PHF20: variants seen among roughly 807,000 people sequenced by gnomAD.
PHF20 encodes PHD finger protein 20.
PHF20 carries 23 observed loss-of-function variants against 113.5 expected under a neutral mutation model. That is an observed-to-expected ratio of 0.20 (90% CI 0.15 to 0.29). PHF20 has a LOEUF of 0.29. PHF20 is among the 10% of genes least tolerant of loss of function. The pLI is 1.00. For synonymous variants in PHF20, 434 were observed against 457.3 expected, an observed-to-expected ratio of 0.95 and a Z score of 0.65; for missense variants, 943 against 1,219.6, an observed-to-expected ratio of 0.77 and a Z score of 3.38.
chr20:35,805,354 T>TTTATTATTATTATTA (rs3056929), intron 2 of PHF20, among the ~76,000 whole-genome samples: 30 of 125,192 alleles, frequency 2.4e-4, no homozygotes, highest in South Asian at 7.6e-4. Context: ...CGCCTGATTT[T>TTTATTATTATTATTA]TTATTATTAT....
chr20:35,789,861 C>G lies in PHF20; in HGVS notation c.-32-11630C>G, dbSNP rs1176617809. 6.6e-5 allele frequency among the ~76,000 whole-genome samples: 7 copies of G among 106,812 alleles called. No homozygotes were observed. The East Asian group carries it at 2.0e-3, about 30-fold the overall frequency. 70.1% of individuals were successfully genotyped at this position (106,812 alleles called of 152,430 possible). A position where few individuals can be genotyped will look rare whatever the true frequency, so the allele number is the denominator to read the frequency against. On this transcript the variant is annotated intron_variant, in intron 1 of 17. Coordinates refer to ENST00000374012, the MANE Select transcript of PHF20 (RefSeq NM_016436.5). ...GCGCCCAGCCCCCGCCCCCCCCCCC[C>G]CCTTTTTTTTTATACACAGTTTTAC...
At chr20:35,829,296 A>G (rs2042316809) in intron 2 of PHF20, among the ~76,000 whole-genome samples, 1 of 152,122 alleles carries the variant, frequency 6.6e-6, no homozygotes, top group African/African-American at 2.4e-5. Context: ...CGTTAAATAC[A>G]TTCACACTGT....
At position 35,801,509 on chromosome 20, in the gene PHF20, G is replaced by A. The variant is rs748461680; in HGVS notation, c.-14G>A. The A allele has an allele frequency of 2.4e-5, 39 of 1,603,266 alleles. No homozygotes were observed. Among genetic ancestry groups the A allele is most frequent in the Middle Eastern group, 3.3e-4 (2 of 6,052 alleles). On this transcript the variant is annotated 5_prime_UTR_variant, in exon 2 of 18. Coordinates refer to ENST00000374012, the MANE Select transcript of PHF20 (RefSeq NM_016436.5). ...TTTTCAGGAGAATAAAGGCAGCCCC[G>A]TTGATGACTGAAAATGACAAAGCAT...
At position 35,914,153 on chromosome 20, in the gene PHF20, A is replaced by C. The variant is rs548981418; in HGVS notation, c.1781A>C (p.His594Pro). 2.5e-6 allele frequency: 4 copies of C among 1,614,170 alleles called. No homozygotes were observed. The highest frequency in any genetic ancestry group is 3.3e-5 in the Admixed American group (2 of 60,018). The change falls in exon 12 of 18, where the codon CAT becomes CCT. Residue 594 changes from histidine to proline, a missense_variant. Physicochemically the swap from His to Pro is moderately conservative, Grantham distance 77. Transcript: ENST00000374012. Reference protein sequence around the residue: ...KPGVHMSPQLHGPESGHHKGK... With the variant: ...KPGVHMSPQLPGPESGHHKGK... ...GGGGTCCATATGAGCCCGCAGCTTC[A>C]TGGCCCAGAATCTGGACACCACAAA... is the stretch of plus-strand genomic sequence containing the variant.
rs543916053 is a variant in PHF20 at position 35,949,166 on chromosome 20, A to G, written c.*1539A>G. ...TCCATCAGAGAGAATACACGTGGCTATAACATCTATAACAAAACGACGATT... is the reference window on the plus strand; with the variant it reads ...TCCATCAGAGAGAATACACGTGGCTGTAACATCTATAACAAAACGACGATT... On this transcript the variant is annotated 3_prime_UTR_variant, in exon 18 of 18. Coordinates refer to ENST00000374012, the MANE Select transcript of PHF20 (RefSeq NM_016436.5). 2.0e-5 allele frequency: 3 copies of G among 152,726 alleles called. No homozygotes were observed. Among genetic ancestry groups the G allele is most frequent in the Admixed American group, 1.3e-4 (2 of 15,310 alleles). The allele number at this position is 152,726 out of a possible 1,614,324, so 9.5% of individuals were successfully genotyped here.
At chr20:35,874,112 C>T (rs2146996479) in intron 9 of PHF20, among the ~76,000 whole-genome samples, 1 of 152,324 alleles carries the variant, frequency 6.6e-6, no homozygotes, top group Middle Eastern at 3.4e-3. Context: ...GCTGGGATTA[C>T]AGGCATGTGC....
At chr20:35,775,880 A>T (rs2041166117) in intron 1 of PHF20, among the ~76,000 whole-genome samples, 1 of 151,748 alleles carries the variant, frequency 6.6e-6, no homozygotes, top group Admixed American at 6.6e-5. Context: ...TGGTGTGATC[A>T]CGGCTTACTG....
chr20:35,915,690 C>T (rs943999156), intron 12 of PHF20, among the ~76,000 whole-genome samples: 1 of 152,072 alleles, frequency 6.6e-6, no homozygotes, highest in Admixed American at 6.6e-5. Flanking sequence ...TGGACTGTTA[C>T]ATTTCTTAAA....
chr20:35,871,243 C>T, intron 8 of PHF20, 109 bp downstream of exon 8: 1 of 884,400 alleles, frequency 1.1e-6, no homozygotes, highest in Non-Finnish European at 1.8e-6. Flanking sequence ...GTCTTGAAAT[C>T]AAACTATTGA....
At chr20:35,836,583 G>T (rs535877074) in intron 2 of PHF20, among the ~76,000 whole-genome samples, 3 of 151,350 alleles carry the variant, frequency 2.0e-5, no homozygotes, top group Non-Finnish European at 4.4e-5. Flanking sequence ...AGTGGCTCAC[G>T]CCTGTAATCG....
chr20:35,791,235 G>A (rs907350532), intron 1 of PHF20, among the ~76,000 whole-genome samples: 1 of 151,930 alleles, frequency 6.6e-6, no homozygotes, highest in Non-Finnish European at 1.5e-5. Context: ...ATGAAGATTG[G>A]CAACAGTGTA....
Position 35,950,028 on chromosome 20 carries a change from G to C in PHF20, c.*2401G>C, listed in dbSNP as rs746068570. On this transcript the variant is annotated 3_prime_UTR_variant, in exon 18 of 18. Coordinates refer to ENST00000374012, the MANE Select transcript of PHF20 (RefSeq NM_016436.5). The stretch of plus-strand genomic sequence containing the variant: ...AGATTGCGCTATTGCACTCCAGCTC[G>C]GGCGACAACTGCAAGACTCCATCTC... The C allele has an allele frequency of 2.0e-5, 3 of 152,382 alleles. No homozygotes were observed. 9.4% of individuals were successfully genotyped at this position (152,382 alleles called of 1,614,324 possible).
At chr20:35,895,978 C>T (rs553512329) in intron 9 of PHF20, among the ~76,000 whole-genome samples, 36 of 152,226 alleles carry the variant, frequency 2.4e-4, no homozygotes, top group Non-Finnish European at 4.3e-4. Context: ...TGAGCCATCG[C>T]GCCTGGCCAA....
intron 2 of PHF20, among the ~76,000 whole-genome samples, chr20:35,812,164 GT>G (rs1377495980): frequency 6.6e-6 from 1 of 152,138 alleles, no homozygotes; most frequent in African/African-American, 2.4e-5. Flanking sequence ...TAACCCATTT[GT>G]TTTATATACT....
intron 4 of PHF20, among the ~76,000 whole-genome samples, chr20:35,854,453 G>GAA (rs1209355684): frequency 6.6e-6 from 1 of 152,186 alleles, no homozygotes; most frequent in Non-Finnish European, 1.5e-5. Context: ...GGCCACAGGA[G>GAA]AACTCTATTA....
intron 14 of PHF20, among the ~76,000 whole-genome samples, chr20:35,929,463 C>T (rs1355738330): frequency 6.6e-6 from 1 of 152,258 alleles, no homozygotes; most frequent in African/African-American, 2.4e-5. Context: ...CAAGATCACG[C>T]CACCAGCTAA....
chr20:35,781,283 A>T (rs1182421915), intron 1 of PHF20, among the ~76,000 whole-genome samples: 2 of 151,764 alleles, frequency 1.3e-5, no homozygotes, highest in East Asian at 3.9e-4. Context: ...AGCTGGGATT[A>T]TAGGCCTGCA....
chr20:35,780,059 C>G (rs184404554), intron 1 of PHF20, among the ~76,000 whole-genome samples: 251 of 152,164 alleles, frequency 1.6e-3, no homozygotes, highest in African/African-American at 5.9e-3. Context: ...CGATTGGAGT[C>G]CAGGTTTCTT....
chr20:35,926,712 C>T (rs2147106585), intron 13 of PHF20, among the ~76,000 whole-genome samples: 1 of 152,238 alleles, frequency 6.6e-6, no homozygotes, highest in East Asian at 1.9e-4. Context: ...TGATTAACTT[C>T]CTAGAGGCCT....
Sources: allele counts gnomAD v4.1 joint callset (sites outside exome capture counted in the v4.1 genomes callset), GRCh38; gene constraint gnomAD v4.1.1; transcripts MANE v1.5; gene names NCBI Gene and HGNC (gene_info 2026-07-23, HGNC 2026-07-21).